Variants in SPATA6 observed in about 807,000 individuals in gnomAD.
SPATA6 encodes the protein spermatogenesis-associated protein 6.
In SPATA6, 56 loss-of-function variants were observed where a neutral mutation model predicts 65.3. The observed-to-expected ratio is 0.86, with a 90% CI of 0.69 to 1.07. SPATA6 has a LOEUF of 1.07. Among genes scored for constraint, SPATA6 ranks in the 50% least tolerant of loss-of-function variants. The pLI is 0.00. For missense variants in SPATA6, 590 were observed against 594.8 expected (o/e 0.99, Z 0.08); for synonymous variants, 199 against 213.2 (o/e 0.93, Z 0.58).
At chr1:48,409,536 CTG>C (rs1557676175) in intron 5 of SPATA6, among the ~76,000 whole-genome samples, 1 of 152,234 alleles carries the variant, frequency 6.6e-6, no homozygotes, top group Non-Finnish European at 1.5e-5. Flanking sequence ...AGTAGGGACT[CTG>C]TGTGGAGGCT....
At chr1:48,376,261 T>C (rs1647896026) in intron 9 of SPATA6, among the ~76,000 whole-genome samples, 2 of 152,154 alleles carry the variant, frequency 1.3e-5, no homozygotes, top group African/African-American at 4.8e-5. Context: ...GGTTGAGTTT[T>C]AAGCACTGGT....
intron 11 of SPATA6, among the ~76,000 whole-genome samples, chr1:48,352,936 G>C (rs1306747824): frequency 2.1e-5 from 3 of 143,868 alleles, no homozygotes; most frequent in African/African-American, 7.6e-5. Flanking sequence ...TTTTAACCTA[G>C]AATTCTACAT....
downstream of SPATA6, among the ~76,000 whole-genome samples, chr1:48,294,638 T>G (rs982080530): frequency 3.9e-5 from 6 of 152,236 alleles, no homozygotes; most frequent in Non-Finnish European, 7.3e-5. Context: ...ACTCTGGATA[T>G]TTTAAACTCC....
At chr1:48,365,149 T>C (rs757297245) in intron 9 of SPATA6, among the ~76,000 whole-genome samples, 21 of 152,220 alleles carry the variant, frequency 1.4e-4, no homozygotes, top group Non-Finnish European at 2.8e-4. Context: ...TTCTGTTCCA[T>C]TGATCTATAT....
chr1:48,286,739 A>T, the SPATA6 span, among the ~76,000 whole-genome samples: 4 of 152,126 alleles, frequency 2.6e-5, no homozygotes, highest in Admixed American at 6.5e-5. Flanking sequence ...AATTTATTTT[A>T]AAAAATGAGG....
intron 11 of SPATA6, chr1:48,325,388 C>T (rs950520092): frequency 3.6e-6 from 5 of 1,377,652 alleles, no homozygotes; most frequent in Non-Finnish European, 4.1e-6. Context: ...CTGATTCCTC[C>T]AGGCCCAAGG....
intron 11 of SPATA6, among the ~76,000 whole-genome samples, chr1:48,308,447 G>T (rs1398732507): frequency 6.6e-6 from 1 of 151,942 alleles, no homozygotes; most frequent in Non-Finnish European, 1.5e-5. Flanking sequence ...ATTGTTTTGT[G>T]AGGTCATCTC....
chr1:48,442,471 G>A (rs1655588104), intron 3 of SPATA6, among the ~76,000 whole-genome samples: 1 of 151,680 alleles, frequency 6.6e-6, no homozygotes, highest in Non-Finnish European at 1.5e-5. Flanking sequence ...GAAGGAGAGA[G>A]GAGAACAGCA....
At chr1:48,317,686 A>G (rs557601589) in intron 11 of SPATA6, among the ~76,000 whole-genome samples, 63 of 152,322 alleles carry the variant, frequency 4.1e-4, no homozygotes, top group African/African-American at 1.4e-3. Flanking sequence ...AAAAAAATAA[A>G]AAACTTAACA....
intron 11 of SPATA6, among the ~76,000 whole-genome samples, chr1:48,336,894 CAAGT>C (rs1646076357): frequency 6.6e-6 from 1 of 151,698 alleles, no homozygotes; most frequent in Non-Finnish European, 1.5e-5. Context: ...TAAAACTGAC[CAAGT>C]AATAGAAAAC....
At chr1:48,277,735 T>C in the SPATA6 span, among the ~76,000 whole-genome samples, 1 of 152,204 alleles carries the variant, frequency 6.6e-6, no homozygotes, top group Non-Finnish European at 1.5e-5. Context: ...CTCTGTAGGC[T>C]CCACCTCTGG....
chr1:48,436,221 G>A (rs966374434), intron 3 of SPATA6: 3 of 1,613,090 alleles, frequency 1.9e-6, no homozygotes, highest in African/African-American at 2.7e-5. Flanking sequence ...CGGGAACACT[G>A]GTAACTATAA....
At chr1:48,395,018 T>A (rs984519810) in intron 8 of SPATA6, among the ~76,000 whole-genome samples, 5 of 152,010 alleles carry the variant, frequency 3.3e-5, no homozygotes, top group East Asian at 1.9e-4. Context: ...TCACATTTTT[T>A]AACATGTTAA....
intron 3 of SPATA6, among the ~76,000 whole-genome samples, chr1:48,450,512 A>C (rs1656467335): frequency 6.6e-6 from 1 of 152,154 alleles, no homozygotes; most frequent in Non-Finnish European, 1.5e-5. Context: ...TTTTTTTCTA[A>C]GATACACAAT....
intron 7 of SPATA6, among the ~76,000 whole-genome samples, chr1:48,397,835 T>C (rs1456465924): frequency 6.6e-6 from 1 of 151,578 alleles, no homozygotes; most frequent in East Asian, 1.9e-4. Context: ...AAATACAAAC[T>C]TCAAAGTTTG....
rs1393320469 is a variant in SPATA6, at chr1:48,472,166, G to A, written c.-158C>T. The stretch of plus-strand genomic sequence containing the variant: ...CCCGCGGTCCAGCCTGGGTTCCGCC[G>A]GAGAAGCAGCTGAGCGCGGGGCGCA... On this transcript the variant is annotated 5_prime_UTR_variant, in exon 1 of 13. Coordinates refer to ENST00000371847, the MANE Select transcript of SPATA6 (RefSeq NM_019073.4). The A allele has an allele frequency of 2.6e-5, 15 of 574,466 alleles. No homozygotes were observed. The highest frequency in any genetic ancestry group is 2.4e-5 in the South Asian group (1 of 42,466). 35.6% of individuals were successfully genotyped at this position (574,466 alleles called of 1,614,324 possible).
chr1:48,278,834 C>A, the SPATA6 span, among the ~76,000 whole-genome samples: 1 of 152,122 alleles, frequency 6.6e-6, no homozygotes, highest in Non-Finnish European at 1.5e-5. Context: ...ACAGAAACGC[C>A]ACAAAGATAC....
chr1:48,435,087 T>C (rs1002022128), intron 3 of SPATA6, among the ~76,000 whole-genome samples: 1 of 152,026 alleles, frequency 6.6e-6, no homozygotes, highest in Non-Finnish European at 1.5e-5. Flanking sequence ...TAGAGGGGCA[T>C]ATAGGGTATG....
chr1:48,431,770 A>G (rs1438218749), intron 3 of SPATA6, among the ~76,000 whole-genome samples: 1 of 152,248 alleles, frequency 6.6e-6, no homozygotes, highest in Non-Finnish European at 1.5e-5. Flanking sequence ...GGATACAGGG[A>G]AAGCAGTACT....
Sources: gnomAD v4.1 joint callset for allele counts (sites outside exome capture counted in the v4.1 genomes callset) on GRCh38, gnomAD v4.1.1 for gene constraint, MANE v1.5 for transcripts, NCBI Gene and HGNC (gene_info 2026-07-23, HGNC 2026-07-21) for gene names.